CREB3L2: variants seen among roughly 807,000 people sequenced by gnomAD.
The protein encoded by CREB3L2 is cAMP responsive element binding protein 3 like 2, also known as cyclic AMP-responsive element-binding protein 3-like protein 2.
A neutral mutation model predicts 57.2 loss-of-function variants in CREB3L2; 23 were observed. The ratio of observed to expected loss-of-function variants is 0.40; its 90% CI spans 0.29 to 0.57. CREB3L2 has a LOEUF of 0.57. CREB3L2 is among the 20% of genes least tolerant of loss of function. CREB3L2 has a pLI of 0.42. For missense variants in CREB3L2, 628 were observed against 634.7 expected (o/e 0.99, Z 0.11); for synonymous variants, 268 against 265.1 (o/e 1.01, Z -0.11).
intron 1 of CREB3L2, among the ~76,000 whole-genome samples, chr7:137,993,066 G>A (rs965008900): frequency 1.3e-5 from 2 of 152,230 alleles, no homozygotes; most frequent in Non-Finnish European, 2.9e-5. Context: ...GTAGGAGCTG[G>A]AGAGGAGAGG....
intron 1 of CREB3L2, among the ~76,000 whole-genome samples, chr7:137,952,137 ATC>A (rs1801114147): frequency 6.6e-6 from 1 of 152,214 alleles, no homozygotes; most frequent in South Asian, 2.1e-4. Context: ...ATCCATTAAT[ATC>A]TCTGAGAAAA....
At chr7:137,897,321 T>G (rs1345165946) in intron 8 of CREB3L2, among the ~76,000 whole-genome samples, 1 of 152,170 alleles carries the variant, frequency 6.6e-6, no homozygotes, top group African/African-American at 2.4e-5. Context: ...TCACATTCAG[T>G]AACAGCAGAC....
rs182102696 is a variant in CREB3L2 at position 137,896,509 on chromosome 7, C to T, written c.1043+4845G>A. 1.2e-4 allele frequency among the ~76,000 whole-genome samples: 18 copies of T among 152,322 alleles called. No individual in the cohort carries two copies. In the East Asian group the frequency reaches 3.3e-3, roughly 28 times the overall value. On this transcript the variant is annotated intron_variant, in intron 8 of 11. Coordinates refer to ENST00000330387, the MANE Select transcript of CREB3L2 (RefSeq NM_194071.4). ...AGATATGGGGTTTCTCCATGTTGATCAGGCTGGTCTCGAACTCCCAACCTC... is the reference window on the plus strand; with the variant it reads ...AGATATGGGGTTTCTCCATGTTGATTAGGCTGGTCTCGAACTCCCAACCTC...
intron 1 of CREB3L2, among the ~76,000 whole-genome samples, chr7:137,942,155 T>G (rs1005618826): frequency 6.6e-6 from 1 of 152,270 alleles, no homozygotes; most frequent in Non-Finnish European, 1.5e-5. Flanking sequence ...TAGTGTCCTT[T>G]CATCTTAACC....
At chr7:137,923,763 A>T (rs1006313492) in intron 2 of CREB3L2, among the ~76,000 whole-genome samples, 1 of 152,144 alleles carries the variant, frequency 6.6e-6, no homozygotes, top group Non-Finnish European at 1.5e-5. Context: ...AATCATTTCA[A>T]AACCCATTTT....
chr7:137,984,493 AGCCTCACGGGAAG>A (rs1563273666), intron 1 of CREB3L2, among the ~76,000 whole-genome samples: 1 of 152,246 alleles, frequency 6.6e-6, no homozygotes, highest in African/African-American at 2.4e-5. Flanking sequence ...GGTGACAAAC[AGCCTCACGGGAAG>A]GGCCCCGTTG....
intron 11 of CREB3L2, among the ~76,000 whole-genome samples, chr7:137,881,048 G>C (rs1198890792): frequency 6.6e-6 from 1 of 152,192 alleles, no homozygotes; most frequent in East Asian, 1.9e-4. Flanking sequence ...GGCATTCAGA[G>C]GAGGGCTAGG....
At chr7:137,936,603 C>G (rs543131887) in intron 1 of CREB3L2, among the ~76,000 whole-genome samples, 1 of 152,140 alleles carries the variant, frequency 6.6e-6, no homozygotes, top group Non-Finnish European at 1.5e-5. Context: ...CAACCTAATG[C>G]TCCTTTTGGG....
intron 4 of CREB3L2, among the ~76,000 whole-genome samples, chr7:137,911,254 T>C (rs1466593438): frequency 6.6e-6 from 1 of 152,230 alleles, no homozygotes; most frequent in African/African-American, 2.4e-5. Flanking sequence ...AAATAAGTAT[T>C]ATTTACTAAG....
At chr7:137,918,498 A>T (rs1012271676) in intron 2 of CREB3L2, among the ~76,000 whole-genome samples, 1 of 152,122 alleles carries the variant, frequency 6.6e-6, no homozygotes, top group African/African-American at 2.4e-5. Flanking sequence ...TGCTTTTTGA[A>T]GTCAACACTT....
At chr7:137,936,441 C>G (rs1800787466) in intron 1 of CREB3L2, among the ~76,000 whole-genome samples, 1 of 152,166 alleles carries the variant, frequency 6.6e-6, no homozygotes, top group South Asian at 2.1e-4. Flanking sequence ...CTGTAAACCT[C>G]TGTGTGTGTG....
intron 1 of CREB3L2, among the ~76,000 whole-genome samples, chr7:137,969,986 T>C (rs1646586): frequency 1 from 152,302 of 152,330 alleles, 76,137 homozygotes; most frequent in Middle Eastern, 1. Context: ...GTTTTCCAGA[T>C]GCCCAGGGTA....
chr7:137,946,941 T>C (rs1438689463), intron 1 of CREB3L2, among the ~76,000 whole-genome samples: 1 of 118,178 alleles, frequency 8.5e-6, no homozygotes, highest in Non-Finnish European at 1.6e-5. Flanking sequence ...TATAGTTATA[T>C]ATATAGTTAT....
At chr7:137,971,988 A>G (rs1801515313) in intron 1 of CREB3L2, among the ~76,000 whole-genome samples, 1 of 152,180 alleles carries the variant, frequency 6.6e-6, no homozygotes, top group Non-Finnish European at 1.5e-5. Flanking sequence ...ATTATTAAAT[A>G]CAAAAGGGCA....
At chr7:137,991,062 C>T (rs116221153) in intron 1 of CREB3L2, among the ~76,000 whole-genome samples, 1,976 of 152,212 alleles carry the variant, frequency 0.013, 32 homozygotes, top group African/African-American at 0.044. Context: ...GACTACAAAA[C>T]GCAAAACTAC....
At chr7:137,985,463 G>A (rs185162645) in intron 1 of CREB3L2, among the ~76,000 whole-genome samples, 26 of 152,262 alleles carry the variant, frequency 1.7e-4, no homozygotes, top group Non-Finnish European at 2.9e-4. Flanking sequence ...GATGGAGAGC[G>A]CTTCAGCTTG....
intron 2 of CREB3L2, among the ~76,000 whole-genome samples, chr7:137,922,149 TC>T (rs1486032710): frequency 1.3e-5 from 2 of 151,394 alleles, no homozygotes; most frequent in East Asian, 3.9e-4. Flanking sequence ...CCCTACCTGC[TC>T]CTTTTCTCTC....
At chr7:137,977,295 G>A (rs1000687485) in intron 1 of CREB3L2, among the ~76,000 whole-genome samples, 14 of 152,162 alleles carry the variant, frequency 9.2e-5, no homozygotes, top group East Asian at 3.8e-4. Flanking sequence ...CCAAAGTGCC[G>A]AGGTGGCAGA....
intron 1 of CREB3L2, chr7:137,935,969 G>A: frequency 3.1e-6 from 3 of 980,522 alleles, no homozygotes; most frequent in Non-Finnish European, 3.6e-6. Context: ...GCCACTTCCT[G>A]CTGCTAACAA....
Sources: allele counts gnomAD v4.1 joint callset (sites outside exome capture counted in the v4.1 genomes callset), GRCh38; gene constraint gnomAD v4.1.1; transcripts MANE v1.5; gene names NCBI Gene and HGNC (gene_info 2026-07-23, HGNC 2026-07-21).